Variants in RNF157 observed in about 807,000 individuals in gnomAD.
RNF157 encodes ring finger protein 157, also known as E3 ubiquitin ligase RNF157.
A neutral mutation model predicts 88.3 loss-of-function variants in RNF157; 55 were observed. The observed-to-expected ratio is 0.62, with a 90% CI of 0.50 to 0.78. RNF157 has a LOEUF of 0.78. Among genes scored for constraint, RNF157 ranks in the 30% least tolerant of loss-of-function variants. The pLI, the probability that RNF157 is intolerant of heterozygous loss-of-function variation, is 0.00. For missense variants in RNF157, 788 were observed against 860.8 expected (o/e 0.92, Z 1.06); for synonymous variants, 334 against 341.2 (o/e 0.98, Z 0.23).
chr17:76,186,015 G>A (rs570431452), intron 2 of RNF157, among the ~76,000 whole-genome samples: 2 of 152,086 alleles, frequency 1.3e-5, no homozygotes, highest in South Asian at 2.1e-4. Flanking sequence ...GTATTTGAAC[G>A]TTCTAATGCC....
chr17:76,226,452 T>C, intron 1 of RNF157: 1 of 1,602,618 alleles, frequency 6.2e-7, no homozygotes, highest in East Asian at 2.2e-5. Context: ...AGATTACAAG[T>C]GTCATCCAAC....
intron 1 of RNF157, among the ~76,000 whole-genome samples, chr17:76,234,963 GA>G (rs1466213287): frequency 6.6e-6 from 1 of 152,034 alleles, no homozygotes; most frequent in Non-Finnish European, 1.5e-5. Flanking sequence ...AAAATCAACC[GA>G]AAATAAATGT....
intron 8 of RNF157, chr17:76,163,649 T>C (rs2068879944): frequency 1.3e-5 from 2 of 152,272 alleles, no homozygotes; most frequent in Non-Finnish European, 2.9e-5. Flanking sequence ...CCCTAAGACA[T>C]AGCCTGTCGC....
At chr17:76,220,180 T>C (rs1468729609) in intron 1 of RNF157, among the ~76,000 whole-genome samples, 3 of 152,076 alleles carry the variant, frequency 2.0e-5, no homozygotes, top group Non-Finnish European at 4.4e-5. Flanking sequence ...ATTCCAAGTC[T>C]GTGGCAGGAA....
At chr17:76,213,858 A>G (rs6501863) in intron 1 of RNF157, among the ~76,000 whole-genome samples, 21,508 of 152,198 alleles carry the variant, frequency 0.14, 2,275 homozygotes, top group African/African-American at 0.28. Flanking sequence ...CTGGTTCAGA[A>G]AGCTTCCAAA....
chr17:76,240,242 G>T lies in RNF157; in HGVS notation c.-2C>A, dbSNP rs781340490. On this transcript the variant is annotated 5_prime_UTR_variant, in exon 1 of 19. Transcript: ENST00000269391. The surrounding 1 kb of genome is among the most constrained non-coding windows in gnomAD (Gnocchi z 4.4). ...CTGCCGGCTCGTCAGGGCCCCCATG[G>T]CCGCTGCGGCTGCAGCCCCGGCCCG... The T allele has an allele frequency of 7.7e-7, 1 of 1,303,868 alleles. No homozygotes were observed. Among genetic ancestry groups the T allele is most frequent in the South Asian group, 2.1e-5 (1 of 47,904 alleles). The allele number at this position is 1,303,868 out of a possible 1,614,324, so 80.8% of individuals were successfully genotyped here. A position where few individuals can be genotyped will look rare whatever the true frequency, so the allele number is the denominator to read the frequency against.
chr17:76,222,824 CTG>C (rs1181268213), intron 1 of RNF157, among the ~76,000 whole-genome samples: 10 of 151,698 alleles, frequency 6.6e-5, no homozygotes, highest in Non-Finnish European at 7.4e-5. Context: ...AATCAAACAA[CTG>C]TGTGTGTGTG....
intron 18 of RNF157, chr17:76,147,041 T>C (rs2068596049): frequency 1.0e-6 from 1 of 985,264 alleles, no homozygotes; most frequent in Non-Finnish European, 1.2e-6. Context: ...CAGGAGAGTC[T>C]TGGATCTCTC....
intron 2 of RNF157, among the ~76,000 whole-genome samples, chr17:76,192,503 T>G (rs2069403652): frequency 6.6e-6 from 1 of 152,186 alleles, no homozygotes; most frequent in Admixed American, 6.5e-5. Flanking sequence ...GAAATAGATG[T>G]CTGTAGAATG....
chr17:76,150,825 C>T (rs540578003), intron 18 of RNF157, among the ~76,000 whole-genome samples: 13 of 152,246 alleles, frequency 8.5e-5, no homozygotes, highest in Non-Finnish European at 1.3e-4. Flanking sequence ...CAGCCCCACG[C>T]GAGCGCCTCC....
At chr17:76,216,141 T>A (rs1189156168) in intron 1 of RNF157, among the ~76,000 whole-genome samples, 1 of 152,034 alleles carries the variant, frequency 6.6e-6, no homozygotes, top group African/African-American at 2.4e-5. Flanking sequence ...GCCCAAATCA[T>A]GAAAAAAGAA....
chr17:76,191,600 C>CA (rs71363619), intron 2 of RNF157, among the ~76,000 whole-genome samples: 1,778 of 64,998 alleles, frequency 0.027, 39 homozygotes, highest in East Asian at 0.075. Context: ...GACTCCGCCT[C>CA]AAAAAAAAAA....
chr17:76,240,099 C>A lies in RNF157; in HGVS notation c.88+54G>T, dbSNP rs1350269381. ...CCCCCTCAGGCCGTCCCGACCCAGA[C>A]CCCTGCCCCTGCCCCTCTCCCTCCT... On this transcript the variant is annotated intron_variant, in intron 1 of 18. Transcript: ENST00000269391. The surrounding 1 kb of genome is among the most constrained non-coding windows in gnomAD (Gnocchi z 4.4). 2 of 1,118,902 alleles carry A rather than the reference C, an allele frequency of 1.8e-6. No individual in the cohort carries two copies. Among genetic ancestry groups the A allele is most frequent in the Non-Finnish European group, 1.1e-6 (1 of 879,296 alleles). The allele number at this position is 1,118,902 out of a possible 1,614,324, so 69.3% of individuals were successfully genotyped here. A position where few individuals can be genotyped will look rare whatever the true frequency, so the allele number is the denominator to read the frequency against.
At chr17:76,216,957 G>A (rs1450433856) in intron 1 of RNF157, among the ~76,000 whole-genome samples, 1 of 151,918 alleles carries the variant, frequency 6.6e-6, no homozygotes, top group African/African-American at 2.4e-5. Context: ...AGCTATATAA[G>A]CTGTATACTT....
At chr17:76,213,387 C>G (rs973835767) in intron 1 of RNF157, among the ~76,000 whole-genome samples, 1 of 151,644 alleles carries the variant, frequency 6.6e-6, no homozygotes, top group Non-Finnish European at 1.5e-5. Flanking sequence ...CTGGCCAACA[C>G]GGTGAAACCC....
intron 16 of RNF157, 107 bp from the exon 17 acceptor site, chr17:76,154,435 C>T (rs927716183): frequency 1.4e-5 from 11 of 774,622 alleles, no homozygotes; most frequent in East Asian, 9.8e-5. Context: ...CCAGGGCCTA[C>T]GTTAATAGCA....
chr17:76,192,331 C>T (rs893035282), intron 2 of RNF157, among the ~76,000 whole-genome samples: 1 of 152,192 alleles, frequency 6.6e-6, no homozygotes, highest in South Asian at 2.1e-4. Flanking sequence ...CAAGCTTTTA[C>T]ATGACTATTT....
chr17:76,184,183 T>C (rs1445092291), intron 2 of RNF157, among the ~76,000 whole-genome samples: 1 of 131,484 alleles, frequency 7.6e-6, no homozygotes, highest in African/African-American at 2.9e-5. Flanking sequence ...AGAGCAAGAC[T>C]CCATCTAAAA....
chr17:76,226,499 T>A, intron 1 of RNF157: 1 of 1,612,268 alleles, frequency 6.2e-7, no homozygotes, highest in Admixed American at 1.7e-5. Flanking sequence ...TTCCAGGTCA[T>A]CTATACCCAA....
Sources: allele counts gnomAD v4.1 joint callset (sites outside exome capture counted in the v4.1 genomes callset), GRCh38; gene constraint gnomAD v4.1.1; non-coding constraint Gnocchi (gnomAD v3.1); transcripts MANE v1.5; gene names NCBI Gene and HGNC (gene_info 2026-07-23, HGNC 2026-07-21).